The following UACA variants were observed in gnomAD, a reference collection of about 807,000 sequenced individuals.
The protein encoded by UACA is nuclear membrane binding protein.
Under a neutral mutation model 160.5 loss-of-function variants are expected in UACA, and 112 were observed. That is an observed-to-expected ratio of 0.70 (90% CI 0.60 to 0.82). The LOEUF (loss-of-function observed/expected upper bound fraction) is 0.82. Among genes scored for constraint, UACA ranks in the 40% least tolerant of loss-of-function variants. UACA has a pLI of 0.00. For synonymous variants in UACA, 557 were observed against 568.4 expected, an observed-to-expected ratio of 0.98 and a Z score of 0.29; for missense variants, 1,574 against 1,614.6, an observed-to-expected ratio of 0.97 and a Z score of 0.43.
intron 18 of UACA, 137 bp downstream of exon 18, chr15:70,660,014 G>A: frequency 1.5e-6 from 1 of 662,904 alleles, no homozygotes; most frequent in Non-Finnish European, 2.4e-6. Context: ...ATGATTAAAA[G>A]AAACATAATT....
At chr15:70,665,702 T>C (rs1000281407) in intron 16 of UACA, among the ~76,000 whole-genome samples, 1 of 152,168 alleles carries the variant, frequency 6.6e-6, no homozygotes, top group African/African-American at 2.4e-5. Flanking sequence ...TATATATTAC[T>C]ATATATATTC....
chr15:70,699,089 C>T (rs1009347656), intron 2 of UACA, among the ~76,000 whole-genome samples: 3 of 152,114 alleles, frequency 2.0e-5, no homozygotes, highest in African/African-American at 7.2e-5. Context: ...GGAGAAAAGA[C>T]AGGGTAATTT....
At chr15:70,672,231 G>A (rs560708583) in intron 13 of UACA, among the ~76,000 whole-genome samples, 11 of 152,000 alleles carry the variant, frequency 7.2e-5, no homozygotes, top group African/African-American at 2.7e-4. Flanking sequence ...AAGCAGCCAA[G>A]TGTTTTAAGA....
chr15:70,682,295 C>T (rs1897537641), intron 9 of UACA, among the ~76,000 whole-genome samples: 1 of 152,200 alleles, frequency 6.6e-6, no homozygotes, highest in African/African-American at 2.4e-5. Context: ...AAAACACTAA[C>T]AGTGGCATTG....
rs536492378 is a variant in UACA at position 70,664,275 on chromosome 15, G to A, written c.4113+387C>T. Among the ~76,000 whole-genome samples the A allele has an allele frequency of 3.9e-5, 6 of 152,212 alleles. 1 individual carries two copies. In the South Asian group the frequency reaches 8.3e-4, roughly 21 times the overall value. On this transcript the variant is annotated intron_variant, in intron 17 of 18. Coordinates refer to ENST00000322954, the MANE Select transcript of UACA (RefSeq NM_018003.4). The stretch of plus-strand genomic sequence containing the variant: ...TAGTTTAGTGGACCAATATTTTAGA[G>A]AGCACCCTGCAATGAGAAAGATGCT...
upstream of UACA, among the ~76,000 whole-genome samples, chr15:70,766,377 A>C (rs1410130076): frequency 6.6e-6 from 1 of 152,180 alleles, no homozygotes. Flanking sequence ...AAGGGCACTT[A>C]TCAAACCTAG....
chr15:70,762,261 C>G (rs531633816), intron 1 of UACA, among the ~76,000 whole-genome samples: 88 of 151,840 alleles, frequency 5.8e-4, no homozygotes, highest in Non-Finnish European at 1.1e-3. Context: ...ACTGAATTAA[C>G]TCAAAAAAGC....
upstream of UACA, among the ~76,000 whole-genome samples, chr15:70,767,017 G>A (rs1470817896): frequency 6.6e-6 from 1 of 151,934 alleles, no homozygotes; most frequent in East Asian, 1.9e-4. Flanking sequence ...GAGGCGGGTG[G>A]ATCACGGGGT....
At chr15:70,684,816 C>A (rs1222237554) in intron 7 of UACA, among the ~76,000 whole-genome samples, 7 of 152,120 alleles carry the variant, frequency 4.6e-5, no homozygotes, top group Non-Finnish European at 1.0e-4. Flanking sequence ...ATAGATTTTA[C>A]TTTATATTCA....
intron 18 of UACA, among the ~76,000 whole-genome samples, chr15:70,657,628 C>G (rs1389171017): frequency 6.6e-6 from 1 of 151,916 alleles, no homozygotes; most frequent in East Asian, 1.9e-4. Context: ...AACAGCTGCT[C>G]TAACTTCCAT....
rs558219893 is a variant in UACA at position 70,707,602 on chromosome 15, C to A, written c.79-7942G>T. Among the ~76,000 whole-genome samples, 3 of 151,676 alleles carry A rather than the reference C, an allele frequency of 2.0e-5. No individual in the cohort carries two copies. In the South Asian group the frequency reaches 6.2e-4, roughly 32 times the overall value. On this transcript the variant is annotated intron_variant, in intron 1 of 18. Coordinates refer to ENST00000322954, the MANE Select transcript of UACA (RefSeq NM_018003.4). ...ACAACAACAAAGATTTTAAAATGGG[C>A]AAAGGACTTGAATAGAAATTTCTAC...
At chr15:70,739,397 G>C (rs1899462292) in intron 1 of UACA, among the ~76,000 whole-genome samples, 2 of 152,030 alleles carry the variant, frequency 1.3e-5, no homozygotes, top group Non-Finnish European at 2.9e-5. Context: ...AACATCTCCA[G>C]ACATTGCCAA....
chr15:70,713,275 G>A (rs1387710272), intron 1 of UACA, among the ~76,000 whole-genome samples: 1 of 152,198 alleles, frequency 6.6e-6, no homozygotes, highest in African/African-American at 2.4e-5. Context: ...GCGAACCCAG[G>A]AGGCAGAGCC....
intron 1 of UACA, among the ~76,000 whole-genome samples, chr15:70,753,024 TG>T (rs1412053010): frequency 6.6e-6 from 1 of 152,194 alleles, no homozygotes; most frequent in Non-Finnish European, 1.5e-5. Context: ...ATTAAATACA[TG>T]AAACAAAAAC....
chr15:70,752,227 A>T (rs866225805), intron 1 of UACA, among the ~76,000 whole-genome samples: 1 of 125,794 alleles, frequency 7.9e-6, no homozygotes, highest in African/African-American at 3.2e-5. Context: ...CAACGAGAGC[A>T]AAACTCCATC....
upstream of UACA, among the ~76,000 whole-genome samples, chr15:70,767,317 G>T (rs2031040844): frequency 6.6e-6 from 1 of 150,876 alleles, no homozygotes; most frequent in Non-Finnish European, 1.5e-5. Context: ...GGCCGGGCAT[G>T]GTGGCTCACA....
At chr15:70,763,816 G>C (rs984931972), upstream of UACA, among the ~76,000 whole-genome samples, 5 of 152,262 alleles carry the variant, frequency 3.3e-5, no homozygotes, top group Non-Finnish European at 7.3e-5. Flanking sequence ...CGGAGCTTAA[G>C]ATCTAGAGAG....
rs746136094 is a variant in UACA at position 70,669,410 on chromosome 15, G to A, written c.1274C>T (p.Pro425Leu). Residue 425 changes from proline (P) to leucine (L), a missense_variant, in exon 16 of 19, where the codon CCT becomes CTT. Coordinates refer to ENST00000322954, the MANE Select transcript of UACA (RefSeq NM_018003.4). ...TTGACTGGGTAAAGATAGTTCCAGAGGTCTTAACATAGATCTGCTTTGCAT... is the reference window on the plus strand; with the variant it reads ...TTGACTGGGTAAAGATAGTTCCAGAAGTCTTAACATAGATCTGCTTTGCAT... ...AHMQSRSMLRPLELSLPSQTS... is the reference protein window; with the variant it reads ...AHMQSRSMLRLLELSLPSQTS... The A allele has an allele frequency of 9.9e-6, 16 of 1,613,030 alleles. No individual in the cohort carries two copies. The South Asian group carries it at 1.6e-4, about 17-fold the overall frequency.
At chr15:70,687,724 AT>A (rs1261963422) in intron 6 of UACA, 25 bp downstream of exon 6, 5 of 1,613,474 alleles carry the variant, frequency 3.1e-6, no homozygotes, top group Non-Finnish European at 4.2e-6. Context: ...ATGAGTTGAA[AT>A]GAGAATAAAC....
Sources: allele counts gnomAD v4.1 joint callset (sites outside exome capture counted in the v4.1 genomes callset), GRCh38; gene constraint gnomAD v4.1.1; transcripts MANE v1.5; gene names NCBI Gene and HGNC (gene_info 2026-07-23, HGNC 2026-07-21).